Variants in CFAP95 observed in about 807,000 individuals in gnomAD.
CFAP95 encodes the protein cilia- and flagella-associated protein 95.
chr9:69,824,233 C>G, the CFAP95 span, among the ~76,000 whole-genome samples: 2 of 152,144 alleles, frequency 1.3e-5, no homozygotes, highest in Non-Finnish European at 2.9e-5. Flanking sequence ...AAAGAACAGG[C>G]AAGTGCAGTG....
the CFAP95 span, among the ~76,000 whole-genome samples, chr9:69,873,047 T>A: frequency 6.6e-6 from 1 of 152,124 alleles, no homozygotes; most frequent in Non-Finnish European, 1.5e-5. Flanking sequence ...CTGGAAGGAA[T>A]GTGTAGGTGG....
At chr9:69,851,449 A>G in the CFAP95 span, among the ~76,000 whole-genome samples, 1 of 152,164 alleles carries the variant, frequency 6.6e-6, no homozygotes, top group African/African-American at 2.4e-5. Flanking sequence ...CTCTTCCTCC[A>G]GCTACAGCCT....
At chr9:69,830,177 C>A in the CFAP95 span, among the ~76,000 whole-genome samples, 1 of 152,110 alleles carries the variant, frequency 6.6e-6, no homozygotes, top group African/African-American at 2.4e-5. Context: ...ACATCTTGAT[C>A]CCACAAAGAA....
At chr9:69,826,023 C>T in the CFAP95 span, among the ~76,000 whole-genome samples, 1 of 151,906 alleles carries the variant, frequency 6.6e-6, no homozygotes, top group Non-Finnish European at 1.5e-5. Flanking sequence ...AGGAAGAAAC[C>T]AGAAAGATAA....
At chr9:69,902,187 A>G in the CFAP95 span, 8 of 360,412 alleles carry the variant, frequency 2.2e-5, no homozygotes, top group Non-Finnish European at 3.8e-5. Flanking sequence ...GAAAATTGGC[A>G]CATAATGTTG....
At chr9:69,821,080 G>A in the CFAP95 span, 1 of 1,595,224 alleles carries the variant, frequency 6.3e-7, no homozygotes, top group East Asian at 2.2e-5. Context: ...GGAGGAAAGA[G>A]AGGGGAAAGG....
the CFAP95 span, among the ~76,000 whole-genome samples, chr9:69,840,662 A>G: frequency 3.3e-5 from 5 of 152,184 alleles, no homozygotes; most frequent in East Asian, 1.9e-4. Flanking sequence ...TAGTAAAGAC[A>G]TATCTTATAT....
the CFAP95 span, among the ~76,000 whole-genome samples, chr9:69,841,167 TATA>T: frequency 0.015 from 1,388 of 92,438 alleles, 93 homozygotes; most frequent in Admixed American, 0.043. Context: ...AGCTGGATTA[TATA>T]TATATATATA....
At chr9:69,890,678 C>T in the CFAP95 span, among the ~76,000 whole-genome samples, 1 of 152,212 alleles carries the variant, frequency 6.6e-6, no homozygotes, top group Non-Finnish European at 1.5e-5. Context: ...CGGTCTACTA[C>T]ATCTGCAATT....
At chr9:69,859,475 G>T in the CFAP95 span, among the ~76,000 whole-genome samples, 1 of 151,766 alleles carries the variant, frequency 6.6e-6, no homozygotes. Flanking sequence ...GATGCCTTTT[G>T]TTTCTGTTCT....
the CFAP95 span, among the ~76,000 whole-genome samples, chr9:69,855,097 T>C: frequency 6.6e-6 from 1 of 152,232 alleles, no homozygotes; most frequent in African/African-American, 2.4e-5. Context: ...TGATTAATAT[T>C]AATACATAAC....
chr9:69,837,263 G>C, the CFAP95 span, among the ~76,000 whole-genome samples: 40 of 152,294 alleles, frequency 2.6e-4, no homozygotes, highest in African/African-American at 8.4e-4. Context: ...GGATGGCTGG[G>C]TCAAATGGTA....
chr9:69,877,420 C>A, the CFAP95 span, among the ~76,000 whole-genome samples: 5 of 152,206 alleles, frequency 3.3e-5, no homozygotes, highest in Non-Finnish European at 1.5e-5. Flanking sequence ...TAATTGCTAT[C>A]ATTATATCCA....
chr9:69,841,616 A>G, the CFAP95 span, among the ~76,000 whole-genome samples: 5 of 152,284 alleles, frequency 3.3e-5, no homozygotes, highest in African/African-American at 1.2e-4. Flanking sequence ...TGGGACCTGT[A>G]TTAGTCGTTC....
the CFAP95 span, chr9:69,844,725 T>C: frequency 1.3e-6 from 1 of 743,482 alleles, no homozygotes; most frequent in Non-Finnish European, 2.2e-6. Flanking sequence ...CCATCCCTCG[T>C]TAACTGTGTT....
At chr9:69,821,387 C>A in the CFAP95 span, among the ~76,000 whole-genome samples, 1 of 152,078 alleles carries the variant, frequency 6.6e-6, no homozygotes, top group African/African-American at 2.4e-5. Context: ...CACTGGGCCA[C>A]GCAGCAGCCA....
chr9:69,869,855 T>A, the CFAP95 span, among the ~76,000 whole-genome samples: 4 of 152,154 alleles, frequency 2.6e-5, no homozygotes, highest in Non-Finnish European at 4.4e-5. Flanking sequence ...AGAGCCAGTA[T>A]AATTAGTATT....
At chr9:69,871,287 T>G in the CFAP95 span, among the ~76,000 whole-genome samples, 1 of 152,058 alleles carries the variant, frequency 6.6e-6, no homozygotes, top group African/African-American at 2.4e-5. Context: ...CATGCATGGT[T>G]CATCAAGCAA....
At chr9:69,856,668 C>T in the CFAP95 span, 18 of 1,599,048 alleles carry the variant, frequency 1.1e-5, no homozygotes, top group African/African-American at 2.7e-5. Context: ...CCGGGATTAT[C>T]GAAAGGTATT....
Sources: gnomAD v4.1 joint callset for allele counts (sites outside exome capture counted in the v4.1 genomes callset) on GRCh38, gnomAD v4.1.1 for gene constraint, MANE v1.5 for transcripts, NCBI Gene and HGNC (gene_info 2026-07-23, HGNC 2026-07-21) for gene names.